Variants in SLC6A6 observed in about 807,000 individuals in gnomAD.
SLC6A6 encodes the protein solute carrier family 6 member 6.
In SLC6A6, 16 loss-of-function variants were observed where a neutral mutation model predicts 68.8. The ratio of observed to expected loss-of-function variants is 0.23; its 90% confidence interval spans 0.16 to 0.35. SLC6A6 has a LOEUF of 0.35. Ranked by LOEUF, SLC6A6 falls within the 10% of genes least tolerant of loss-of-function variation. The probability of loss-of-function intolerance (pLI) is 1.00; values close to 1 mark genes in which losing one functional copy is unlikely to be tolerated. For synonymous variants in SLC6A6, 312 were observed against 315.4 expected (o/e 0.99, Z 0.12); for missense variants, 474 against 802.8 (o/e 0.59, Z 4.95).
At chr3:14,480,141 G>A (rs899261618) in intron 13 of SLC6A6, among the ~76,000 whole-genome samples, 4 of 152,188 alleles carry the variant, frequency 2.6e-5, no homozygotes, top group Admixed American at 2.6e-4. Flanking sequence ...GGAGGACCCC[G>A]GTGGCAGCTG....
At chr3:14,456,951 G>A (rs528439037) in intron 5 of SLC6A6, among the ~76,000 whole-genome samples, 4 of 152,354 alleles carry the variant, frequency 2.6e-5, no homozygotes, top group East Asian at 1.9e-4. Context: ...TGTTCTCAGC[G>A]TGGCTGTCCT....
chr3:14,464,791 G>A (rs979167502), intron 6 of SLC6A6, among the ~76,000 whole-genome samples: 1 of 152,194 alleles, frequency 6.6e-6, no homozygotes, highest in Non-Finnish European at 1.5e-5. Context: ...CTGTAAAATG[G>A]GTGCATTGAC....
In SLC6A6 at chr3:14,429,418, G is replaced by T. The variant is rs2118106; in HGVS notation, c.-12+12965G>T. ...ATAAATGGCTGTTGGGATGATCCTG[G>T]ACTTAGTGAGGCTGGCAGAAGTGAA... On this transcript the variant is annotated intron_variant, in intron 2 of 14. Transcript: ENST00000622186. Among the ~76,000 whole-genome samples, 1,249 of 152,326 alleles carry T rather than the reference G, an allele frequency of 8.2e-3. 15 individuals are homozygous for T. The highest frequency in any genetic ancestry group is 0.028 in the African/African-American group (1,172 of 41,572).
intron 2 of SLC6A6, among the ~76,000 whole-genome samples, chr3:14,439,536 A>C (rs1574932502): frequency 6.6e-6 from 1 of 152,318 alleles, no homozygotes; most frequent in African/African-American, 2.4e-5. Flanking sequence ...GGGCACAGGG[A>C]GAGGCTTCAT....
chr3:14,445,442 AAAAGAAAG>A (rs71038410), intron 3 of SLC6A6, among the ~76,000 whole-genome samples: 9 of 148,206 alleles, frequency 6.1e-5, no homozygotes, highest in East Asian at 2.0e-4. Context: ...AAAAAAGAAA[AAAAGAAAG>A]AAAGAAAGAA....
chr3:14,407,784 G>A (rs1280188909), intron 1 of SLC6A6, among the ~76,000 whole-genome samples: 1 of 152,128 alleles, frequency 6.6e-6, no homozygotes, highest in African/African-American at 2.4e-5. Context: ...GGGATTACAG[G>A]CATGCCCCAC....
Position 14,485,210 on chromosome 3 carries a change from G to T in SLC6A6, c.*203G>T. 1 of 410,310 alleles carries T rather than the reference G, an allele frequency of 2.4e-6. No individual in the cohort carries two copies. Among genetic ancestry groups the T allele is most frequent in the Non-Finnish European group, 4.3e-6 (1 of 233,372 alleles). The allele number at this position is 410,310 out of a possible 1,614,324, so 25.4% of individuals were successfully genotyped here. On this transcript the variant is annotated 3_prime_UTR_variant, in exon 15 of 15. Transcript: ENST00000622186. ...GTGTGTGTTTTGTTTTGATTTGGGG[G>T]ATATTTTGTACAAAAAGAAAACCCA... is the stretch of plus-strand genomic sequence containing the variant.
chr3:14,420,887 C>T (rs940114745), intron 2 of SLC6A6, among the ~76,000 whole-genome samples: 5 of 152,176 alleles, frequency 3.3e-5, no homozygotes, highest in Admixed American at 6.5e-5. Context: ...AGTGTTGTGC[C>T]GCCAATTTCC....
intron 2 of SLC6A6, among the ~76,000 whole-genome samples, chr3:14,440,924 T>C (rs73815281): frequency 0.018 from 2,701 of 152,210 alleles, 75 homozygotes; most frequent in African/African-American, 0.06. Context: ...CTCTGCCCTG[T>C]TGAAAACCCC....
intron 2 of SLC6A6, among the ~76,000 whole-genome samples, chr3:14,417,714 G>A (rs144448710): frequency 0.016 from 2,308 of 145,626 alleles, 51 homozygotes; most frequent in African/African-American, 0.053. Context: ...CCTGGGCGAC[G>A]CAGCGAGACT....
At chr3:14,409,872 A>C (rs951307950) in intron 1 of SLC6A6, among the ~76,000 whole-genome samples, 8 of 152,174 alleles carry the variant, frequency 5.3e-5, no homozygotes, top group Non-Finnish European at 8.8e-5. Flanking sequence ...ACTTATCAAC[A>C]CAGGAAGATA....
intron 2 of SLC6A6, among the ~76,000 whole-genome samples, chr3:14,436,293 C>T (rs932222458): frequency 2.0e-5 from 3 of 152,192 alleles, no homozygotes; most frequent in South Asian, 2.1e-4. Flanking sequence ...CTCCAACTCC[C>T]GGGTGCAAGT....
intron 2 of SLC6A6, chr3:14,432,782 C>A (rs971997210): frequency 6.6e-5 from 10 of 152,440 alleles, no homozygotes; most frequent in Admixed American, 3.9e-4. Flanking sequence ...CCTCCAAGTA[C>A]CCAAGGTAGG....
chr3:14,445,677 A>G (rs760978047), intron 3 of SLC6A6, 40 bp from the exon 4 acceptor site: 18 of 1,613,482 alleles, frequency 1.1e-5, no homozygotes, highest in Middle Eastern at 1.7e-4. Context: ...CGGCGCTGCC[A>G]TGGCCACAGC....
chr3:14,433,486 G>A (rs1015413380), intron 2 of SLC6A6, among the ~76,000 whole-genome samples: 2 of 152,098 alleles, frequency 1.3e-5, no homozygotes, highest in Non-Finnish European at 2.9e-5. Context: ...GAGGTGTGGG[G>A]TTAACGACTC....
intron 2 of SLC6A6, among the ~76,000 whole-genome samples, chr3:14,432,258 T>C (rs1699742733): frequency 6.6e-6 from 1 of 152,222 alleles, no homozygotes; most frequent in African/African-American, 2.4e-5. Flanking sequence ...TTCTTGAGTT[T>C]CTTTTTTGTG....
At chr3:14,423,894 T>C (rs1361406298) in intron 2 of SLC6A6, among the ~76,000 whole-genome samples, 1 of 152,150 alleles carries the variant, frequency 6.6e-6, no homozygotes, top group Non-Finnish European at 1.5e-5. Context: ...TCAGGGAGTG[T>C]GGCCTTCTGT....
chr3:14,460,599 A>C (rs894550877), intron 6 of SLC6A6, among the ~76,000 whole-genome samples: 36 of 152,336 alleles, frequency 2.4e-4, no homozygotes, highest in African/African-American at 8.4e-4. Context: ...AGGGACAGTG[A>C]GCAACTTTTG....
intron 2 of SLC6A6, among the ~76,000 whole-genome samples, chr3:14,440,212 T>G (rs1252181403): frequency 6.6e-6 from 1 of 151,676 alleles, no homozygotes; most frequent in Non-Finnish European, 1.5e-5. Flanking sequence ...TGAAGACTAG[T>G]GGGGTTGAGT....
Sources: allele counts gnomAD v4.1 joint callset (sites outside exome capture counted in the v4.1 genomes callset), GRCh38; gene constraint gnomAD v4.1.1; transcripts MANE v1.5; gene names NCBI Gene and HGNC (gene_info 2026-07-23, HGNC 2026-07-21).